Variants in F9 observed in about 807,000 individuals in gnomAD.
F9 encodes the protein coagulation factor IX, also known as Christmas factor.
F9 carries 2 observed loss-of-function variants against 34.1 expected under a neutral mutation model. The observed-to-expected ratio is 0.06, with a 90% CI of 0.02 to 0.18. The LOEUF (loss-of-function observed/expected upper bound fraction) is 0.18. Ranked by LOEUF, F9 falls within the 10% of genes least tolerant of loss-of-function variation. The probability of loss-of-function intolerance (pLI) is 1.00; values close to 1 mark genes in which losing one functional copy is unlikely to be tolerated. For synonymous variants in F9, 137 were observed against 118.8 expected (o/e 1.15, Z -1.00); for missense variants, 216 against 345.1 (o/e 0.63, Z 2.96).
chrX:139,561,564 G>A lies in F9; in HGVS notation c.879G>A (p.Lys293=), dbSNP rs1228996371. Residue 293 remains lysine (K), a synonymous_variant, in exon 8 of 8, where the codon AAG becomes AAA. Coordinates refer to ENST00000218099, the MANE Select transcript of F9 (RefSeq NM_000133.4). ...NIEETEHTEQ[K]RNVIRIIPHH... is the part of the protein sequence containing the mutation. Reference sequence around the variant, plus strand: ...AGGAGACAGAACATACAGAGCAAAAGCGAAATGTGATTCGAATTATTCCTC... The same window carrying A: ...AGGAGACAGAACATACAGAGCAAAAACGAAATGTGATTCGAATTATTCCTC... The A allele has an allele frequency of 1.7e-6, 2 of 1,206,698 alleles. No individual in the cohort carries two copies. The highest frequency in any genetic ancestry group is 1.7e-5 in the African/African-American group (1 of 57,222).
intron 4 of F9, among the ~76,000 whole-genome samples, chrX:139,546,281 T>G (rs768840903): frequency 7.8e-4 from 87 of 112,251 alleles, no homozygotes; most frequent in Non-Finnish European, 1.4e-3. Flanking sequence ...CTGCATAATA[T>G]TCCATGGTAT....
chrX:139,561,449 T>C (rs1928099760), intron 7 of F9, 75 bp from the exon 8 acceptor site: 1 of 914,144 alleles, frequency 1.1e-6, no homozygotes, highest in Non-Finnish European at 1.6e-6. Context: ...AGGTCAGTGG[T>C]CCCAAGTAGT....
In F9 at chrX:139,541,049, A is replaced by G. The variant is rs3134809; in HGVS notation, c.278-27A>G. 2.4e-3 allele frequency: 2,619 copies of G among 1,102,781 alleles called. 36 individuals carry two copies. The African/African-American group carries it at 0.04, about 17-fold the overall frequency. The allele number at this position is 1,102,781 out of a possible 1,213,427, so 90.9% of individuals were successfully genotyped here. The stretch of plus-strand genomic sequence containing the variant: ...GGGCATTCTAAGCAGTTTACGTGCC[A>G]ATTCAATTTCTTAACCTATCTCAAA... On this transcript the variant is annotated intron_variant, in intron 3 of 7. Transcript: ENST00000218099.
intron 6 of F9, among the ~76,000 whole-genome samples, chrX:139,555,422 A>G (rs1294504715): frequency 8.9e-6 from 1 of 112,888 alleles, no homozygotes; most frequent in Non-Finnish European, 1.9e-5. Flanking sequence ...GGGCCAACGC[A>G]GCCGCGCCTT....
intron 5 of F9, among the ~76,000 whole-genome samples, chrX:139,549,701 C>G (rs1442298857): frequency 1.8e-5 from 2 of 112,184 alleles, no homozygotes; most frequent in Non-Finnish European, 3.8e-5. Context: ...GTTCCTTGCC[C>G]TCATTCTGGT....
At chrX:139,552,200 CAGAAAA>C (rs996297518) in intron 6 of F9, among the ~76,000 whole-genome samples, 2 of 111,277 alleles carry the variant, frequency 1.8e-5, no homozygotes, top group Non-Finnish European at 3.8e-5. Flanking sequence ...TCTCAAAAAA[CAGAAAA>C]AGAAAAACAC....
chrX:139,559,468 G>T (rs1239171611), intron 6 of F9, among the ~76,000 whole-genome samples: 2 of 110,730 alleles, frequency 1.8e-5, no homozygotes, highest in Non-Finnish European at 3.8e-5. Context: ...GGAGGCGGAG[G>T]TTGCAGTGAG....
intron 5 of F9, 68 bp downstream of exon 5, chrX:139,548,559 C>T: frequency 9.1e-7 from 1 of 1,097,626 alleles, no homozygotes; most frequent in South Asian, 2.0e-5. Flanking sequence ...AACAAACCTA[C>T]ATAATTTTAA....
chrX:139,552,476 GC>G (rs1341607339), intron 6 of F9, among the ~76,000 whole-genome samples: 1 of 111,636 alleles, frequency 9.0e-6, no homozygotes, highest in Non-Finnish European at 1.9e-5. Flanking sequence ...CACCTCTTTG[GC>G]CCCCCTCCCC....
At chrX:139,537,427 T>C in intron 3 of F9, 41 bp downstream of exon 3, 1 of 1,055,851 alleles carries the variant, frequency 9.5e-7, no homozygotes, top group Non-Finnish European at 1.3e-6. Flanking sequence ...ATATGAAACA[T>C]ATGAGAATTA....
chrX:139,555,656 A>G (rs1274967697), intron 6 of F9, among the ~76,000 whole-genome samples: 1 of 112,574 alleles, frequency 8.9e-6, no homozygotes, highest in Admixed American at 9.4e-5. Context: ...CTCCTTGAGA[A>G]CTCGGGAAAG....
intron 4 of F9, chrX:139,547,441 C>T (rs1927741735): frequency 9.0e-6 from 1 of 111,105 alleles, no homozygotes; most frequent in South Asian, 3.8e-4. Flanking sequence ...CAGAGTGAGA[C>T]AAGATATCTG....
chrX:139,530,928 C>G, intron 1 of F9, 76 bp downstream of exon 1: 1 of 892,907 alleles, frequency 1.1e-6, no homozygotes, highest in Non-Finnish European at 1.6e-6. Context: ...GTCTTCTTCA[C>G]TAAATTTTGA....
chrX:139,555,442 G>A (rs1927945646), intron 6 of F9, among the ~76,000 whole-genome samples: 1 of 113,069 alleles, frequency 8.8e-6, no homozygotes, highest in Non-Finnish European at 1.9e-5. Flanking sequence ...TGTTCGCGAT[G>A]GTAGCTTCCC....
intron 6 of F9, 43 bp from the exon 7 acceptor site, chrX:139,560,698 T>C: frequency 4.3e-6 from 4 of 940,107 alleles, no homozygotes; most frequent in Non-Finnish European, 4.6e-6. Flanking sequence ...TTTTTCTAGA[T>C]CAAATGTATT....
intron 4 of F9, among the ~76,000 whole-genome samples, chrX:139,545,587 C>T (rs948598139): frequency 5.4e-5 from 6 of 111,748 alleles, no homozygotes; most frequent in Non-Finnish European, 9.4e-5. Flanking sequence ...TAAAATTACA[C>T]TGGGAGGCCA....
chrX:139,563,123 G>A lies in F9; in HGVS notation c.*1052G>A, dbSNP rs987291683. 4.6e-5 allele frequency: 5 copies of A among 109,351 alleles called. No homozygotes were observed. The highest frequency in any genetic ancestry group is 6.6e-5 in the African/African-American group (2 of 30,077). 9.0% of individuals were successfully genotyped at this position (109,351 alleles called of 1,213,427 possible). A position where few individuals can be genotyped will look rare whatever the true frequency, so the allele number is the denominator to read the frequency against. ...GCTAACAGAAAGAAGAGAACCGTTC[G>A]TTTGCAATCTACAGCTAGTAGAGAC... On this transcript the variant is annotated 3_prime_UTR_variant, in exon 8 of 8. Coordinates refer to ENST00000218099, the MANE Select transcript of F9 (RefSeq NM_000133.4).
intron 4 of F9, among the ~76,000 whole-genome samples, chrX:139,543,118 G>A (rs1037948235): frequency 1.8e-5 from 2 of 108,222 alleles, no homozygotes; most frequent in African/African-American, 6.7e-5. Flanking sequence ...GGGGCATCTC[G>A]GCCCCAAGTC....
rs996846240 is a variant in F9, at chrX:139,560,829, C to G, written c.812C>G (p.Thr271Ser). 5.8e-6 allele frequency: 7 copies of G among 1,203,873 alleles called. No individual in the cohort carries two copies. The African/African-American group carries it at 1.2e-4, about 21-fold the overall frequency. The change falls in exon 7 of 8, where the codon ACT becomes AGT. Residue 271 changes from threonine (T) to serine (S), a missense_variant. Around this residue, in one of 2 missense-constraint regions of F9, gnomAD observed 177 missense variants for 311.8 expected, o/e 0.57. Coordinates refer to ENST00000218099, the MANE Select transcript of F9 (RefSeq NM_000133.4). ...WIVTAAHCVE[T>S]GVKITVVAGE... ...GTAACTGCTGCCCACTGTGTTGAAA[C>G]TGGTGTTAAAATTACAGTTGTCGCA...
Sources: allele counts gnomAD v4.1 joint callset (sites outside exome capture counted in the v4.1 genomes callset), GRCh38; gene constraint gnomAD v4.1.1; regional missense constraint gnomAD v4.1.1; transcripts MANE v1.5; gene names NCBI Gene and HGNC (gene_info 2026-07-23, HGNC 2026-07-21).